The following ARHGAP42 variants were observed in gnomAD, a reference collection of about 807,000 sequenced individuals.
ARHGAP42 encodes Rho GTPase activating protein 42, also known as rho GTPase-activating protein 42.
Under a neutral mutation model 125.0 loss-of-function variants are expected in ARHGAP42, and 63 were observed. The observed-to-expected ratio is 0.50, with a 90% CI of 0.41 to 0.62. The LOEUF is 0.62. Ranked by LOEUF, ARHGAP42 falls within the 20% of genes least tolerant of loss-of-function variation. ARHGAP42 has a pLI of 0.00. For missense variants in ARHGAP42, 766 were observed against 1,024.2 expected (o/e 0.75, Z 3.44); for synonymous variants, 339 against 351.0 (o/e 0.97, Z 0.38).
chr11:100,824,670 A>G (rs1864475526), intron 3 of ARHGAP42, among the ~76,000 whole-genome samples: 1 of 152,192 alleles, frequency 6.6e-6, no homozygotes, highest in African/African-American at 2.4e-5. Flanking sequence ...AATCAACTAT[A>G]TATCATCATA....
At chr11:100,871,934 G>A (rs1351261554) in intron 4 of ARHGAP42, among the ~76,000 whole-genome samples, 1 of 152,156 alleles carries the variant, frequency 6.6e-6, no homozygotes, top group Admixed American at 6.5e-5. Flanking sequence ...GTAGAGATGA[G>A]GTTTCTCCAT....
At chr11:100,807,640 T>A (rs950503856) in intron 3 of ARHGAP42, among the ~76,000 whole-genome samples, 8 of 152,190 alleles carry the variant, frequency 5.3e-5, no homozygotes, top group African/African-American at 1.7e-4. Context: ...TTGCAGCTCA[T>A]TGTTCTGTTC....
intron 1 of ARHGAP42, among the ~76,000 whole-genome samples, chr11:100,755,194 C>T (rs1015177843): frequency 5.9e-5 from 9 of 152,118 alleles, no homozygotes; most frequent in South Asian, 4.1e-4. Flanking sequence ...TGTGCATGCA[C>T]GCACATATGT....
chr11:100,780,115 A>G (rs1187841779), intron 2 of ARHGAP42, among the ~76,000 whole-genome samples: 1 of 151,950 alleles, frequency 6.6e-6, no homozygotes, highest in Non-Finnish European at 1.5e-5. Context: ...CTCTTTTTGC[A>G]TTTATTCAAT....
At chr11:100,925,378 A>C (rs1204498440) in intron 6 of ARHGAP42, among the ~76,000 whole-genome samples, 2 of 152,028 alleles carry the variant, frequency 1.3e-5, no homozygotes, top group Non-Finnish European at 2.9e-5. Flanking sequence ...TTGAAATGCT[A>C]TTTTGGATAT....
chr11:100,901,123 T>C (rs917835937), intron 4 of ARHGAP42, among the ~76,000 whole-genome samples: 2 of 152,196 alleles, frequency 1.3e-5, no homozygotes, highest in African/African-American at 4.8e-5. Flanking sequence ...TTCTATTTGT[T>C]AGTTTTCCTT....
chr11:100,707,654 G>A (rs965218614), intron 1 of ARHGAP42, among the ~76,000 whole-genome samples: 1 of 152,294 alleles, frequency 6.6e-6, no homozygotes, highest in East Asian at 1.9e-4. Flanking sequence ...AGAGGTGAAG[G>A]AGAAAGAAAA....
intron 5 of ARHGAP42, among the ~76,000 whole-genome samples, chr11:100,915,136 A>G (rs1327480745): frequency 6.6e-6 from 1 of 152,208 alleles, no homozygotes; most frequent in African/African-American, 2.4e-5. Context: ...CTGATGGAAG[A>G]CAATCTGCCA....
At chr11:100,930,091 C>G (rs776091347) in intron 6 of ARHGAP42, among the ~76,000 whole-genome samples, 1 of 152,184 alleles carries the variant, frequency 6.6e-6, no homozygotes, top group African/African-American at 2.4e-5. Context: ...TCTTAGTATT[C>G]AAACCTATTC....
intron 1 of ARHGAP42, among the ~76,000 whole-genome samples, chr11:100,706,977 A>G (rs751696078): frequency 6.6e-6 from 1 of 152,132 alleles, no homozygotes; most frequent in Non-Finnish European, 1.5e-5. Context: ...CCTGTTCTGG[A>G]TTTTTCATAT....
At chr11:100,833,983 T>G (rs12271297) in intron 3 of ARHGAP42, among the ~76,000 whole-genome samples, 4,396 of 152,302 alleles carry the variant, frequency 0.029, 76 homozygotes, top group African/African-American at 0.044. Context: ...GGGATCATAC[T>G]AAAATCTTAG....
chr11:100,698,502 C>G (rs1861330245), intron 1 of ARHGAP42, among the ~76,000 whole-genome samples: 2 of 152,050 alleles, frequency 1.3e-5, no homozygotes, highest in Admixed American at 6.5e-5. Context: ...ATGGAGAACC[C>G]CCGTTTCTAC....
rs369679671 is a variant in ARHGAP42, at chr11:100,969,993, C to CT, written c.1551-3172dup. Among the ~76,000 whole-genome samples, 556 of 147,642 alleles carry CT rather than the reference C, an allele frequency of 3.8e-3. 2 individuals carry two copies. The highest frequency in any genetic ancestry group is 0.012 in the African/African-American group (501 of 40,394). On this transcript the variant is annotated intron_variant, in intron 17 of 23. Transcript: ENST00000298815. ...TGTTGTTTGCTTGTTTGTTTAGTGT[C>CT]TTTTTTTTTTGTTGAGACAGAGTCT...
chr11:100,697,850 A>G (rs1395211380), intron 1 of ARHGAP42, among the ~76,000 whole-genome samples: 1 of 152,148 alleles, frequency 6.6e-6, no homozygotes, highest in Non-Finnish European at 1.5e-5. Context: ...TCTGAATGAA[A>G]GATAGGGGCC....
rs749649644 is a variant in ARHGAP42, at chr11:100,921,490, T to G, written c.487-4T>G. 4 of 1,537,006 alleles carry G rather than the reference T, an allele frequency of 2.6e-6. No homozygotes were observed. The highest frequency in any genetic ancestry group is 1.2e-5 in the South Asian group (1 of 82,592). ...AGTAATCACCCTCTGGTTTTTCTCT[T>G]TAGGCAGATACACAAATTGACCGAG... On this transcript the variant is annotated splice_region_variant and splice_polypyrimidine_tract_variant and intron_variant, in intron 5 of 23. Coordinates refer to ENST00000298815, the MANE Select transcript of ARHGAP42 (RefSeq NM_152432.4).
At chr11:100,933,616 GA>G (rs1049737615) in intron 7 of ARHGAP42, among the ~76,000 whole-genome samples, 14 of 152,134 alleles carry the variant, frequency 9.2e-5, no homozygotes, top group African/African-American at 2.9e-4. Flanking sequence ...AGCATACACA[GA>G]TGGTAACTGT....
rs967479836 is a variant in ARHGAP42, at chr11:100,945,590, C to G, written c.1043+1722C>G. ...ACATAATATATGTTGTGTCAGCAGG[C>G]ATGAATATATTATTCTCCATTTAAA... On this transcript the variant is annotated intron_variant, in intron 10 of 23. Coordinates refer to ENST00000298815, the MANE Select transcript of ARHGAP42 (RefSeq NM_152432.4). Among the ~76,000 whole-genome samples, 4 of 152,206 alleles carry G rather than the reference C, an allele frequency of 2.6e-5. 1 individual carries two copies. The South Asian group carries it at 8.3e-4, about 32-fold the overall frequency.
chr11:100,938,502 T>G (rs1177536780), intron 8 of ARHGAP42, among the ~76,000 whole-genome samples: 1 of 152,146 alleles, frequency 6.6e-6, no homozygotes, highest in Non-Finnish European at 1.5e-5. Context: ...TTTATAGCTT[T>G]ATTGGGTCTA....
At chr11:100,948,326 C>A in intron 10 of ARHGAP42, 131 bp from the exon 11 acceptor site, 1 of 653,562 alleles carries the variant, frequency 1.5e-6, no homozygotes, top group South Asian at 3.0e-5. Context: ...AGAAAAATTC[C>A]TATGTTTTTC....
Sources: gnomAD v4.1 joint callset for allele counts (sites outside exome capture counted in the v4.1 genomes callset) on GRCh38, gnomAD v4.1.1 for gene constraint, MANE v1.5 for transcripts, NCBI Gene and HGNC (gene_info 2026-07-23, HGNC 2026-07-21) for gene names.